Variants in MAP3K13 observed in about 807,000 individuals in gnomAD.
MAP3K13 encodes leucine zipper-bearing kinase.
Under a neutral mutation model 104.0 loss-of-function variants are expected in MAP3K13, and 52 were observed. The observed-to-expected ratio is 0.50, with a 90% confidence interval of 0.40 to 0.63. The LOEUF is 0.63. Ranked by LOEUF, MAP3K13 falls within the 20% of genes least tolerant of loss-of-function variation. MAP3K13 has a pLI of 0.00. For missense variants in MAP3K13, 914 were observed against 1,218.5 expected (o/e 0.75, Z 3.72); for synonymous variants, 394 against 442.2 (o/e 0.89, Z 1.37).
intron 1 of MAP3K13, among the ~76,000 whole-genome samples, chr3:185,385,281 G>T (rs1711619745): frequency 6.6e-6 from 1 of 152,128 alleles, no homozygotes; most frequent in Admixed American, 6.5e-5. Context: ...CTCCCGAGTG[G>T]CTGGGATTAC....
At chr3:185,334,608 T>C (rs1722408938) in intron 2 of MAP3K13, among the ~76,000 whole-genome samples, 1 of 151,966 alleles carries the variant, frequency 6.6e-6, no homozygotes. Context: ...ATTTTCTTTT[T>C]TTTTTTTTCT....
intron 7 of MAP3K13, among the ~76,000 whole-genome samples, chr3:185,455,689 TATGA>T (rs1716618120): frequency 6.2e-5 from 2 of 32,436 alleles, no homozygotes; most frequent in South Asian, 1.4e-3. Context: ...GAGATATATA[TATGA>T]TATATATATG....
chr3:185,298,147 A>G (rs1720983429), intron 2 of MAP3K13, among the ~76,000 whole-genome samples: 1 of 152,184 alleles, frequency 6.6e-6, no homozygotes, highest in Admixed American at 6.5e-5. Flanking sequence ...ATGGTGTTCC[A>G]CTTGCAAAAT....
At chr3:185,431,408 T>C (rs1714733857) in intron 2 of MAP3K13, among the ~76,000 whole-genome samples, 1 of 152,246 alleles carries the variant, frequency 6.6e-6, no homozygotes, top group Admixed American at 6.5e-5. Flanking sequence ...TAAGCCATAC[T>C]GCAATGACCA....
intron 1 of MAP3K13, among the ~76,000 whole-genome samples, chr3:185,392,815 G>A (rs1281275370): frequency 6.6e-6 from 1 of 152,068 alleles, no homozygotes; most frequent in Non-Finnish European, 1.5e-5. Context: ...TTGGGAGCCT[G>A]AGGCAGACAG....
intron 1 of MAP3K13, among the ~76,000 whole-genome samples, chr3:185,408,220 G>C (rs1171881383): frequency 2.6e-5 from 4 of 152,070 alleles, no homozygotes; most frequent in Non-Finnish European, 4.4e-5. Flanking sequence ...TATTTCATGA[G>C]AGAAACCATT....
At chr3:185,293,127 CT>C (rs559918166) in intron 2 of MAP3K13, 42 of 841,348 alleles carry the variant, frequency 5.0e-5, no homozygotes, top group South Asian at 1.1e-4. Context: ...TTTTCTTTTT[CT>C]TTTTTTTGAG....
At chr3:185,430,851 T>A (rs565936958) in intron 2 of MAP3K13, among the ~76,000 whole-genome samples, 2 of 152,226 alleles carry the variant, frequency 1.3e-5, no homozygotes, top group Non-Finnish European at 2.9e-5. Context: ...TCATACTGTA[T>A]TAATCCATGT....
Position 185,428,626 on chromosome 3 carries a change from C to A in MAP3K13, c.45C>A (p.His15Gln). The part of the protein sequence containing the change: ...QEHLSCSSSP[H>Q]LPFSESKTFN... ...ACCTGAGCTGCTCCTCTTCTCCACACTTACCCTTCAGTGAAAGCAAAACCT... is the reference window on the plus strand; with the variant it reads ...ACCTGAGCTGCTCCTCTTCTCCACAATTACCCTTCAGTGAAAGCAAAACCT... Residue 15 changes from histidine to glutamine, a missense_variant, in exon 2 of 14, where the codon CAC becomes CAA. By Grantham distance (24) the His-to-Gln change is conservative. Around this residue, in one of 3 missense-constraint regions of MAP3K13, gnomAD observed 156 missense variants for 159.8 expected, o/e 0.98. Coordinates refer to ENST00000265026, the MANE Select transcript of MAP3K13 (RefSeq NM_004721.5). 1.9e-6 allele frequency: 3 copies of A among 1,612,556 alleles called. No homozygotes were observed. The highest frequency in any genetic ancestry group is 2.5e-6 in the Non-Finnish European group (3 of 1,179,004).
chr3:185,440,213 C>T (rs1715249017), intron 3 of MAP3K13, among the ~76,000 whole-genome samples: 1 of 152,056 alleles, frequency 6.6e-6, no homozygotes. Context: ...GAAAAGGTAG[C>T]AATTAGAAGT....
At chr3:185,344,883 A>ATTTT (rs147866083) in intron 2 of MAP3K13, among the ~76,000 whole-genome samples, 2 of 149,290 alleles carry the variant, frequency 1.3e-5, no homozygotes, top group African/African-American at 5.0e-5. Context: ...TAATCTCATA[A>ATTTT]TTTATTTTTT....
Position 185,418,562 on chromosome 3 carries a change from T to G in MAP3K13, c.-85-9935T>G. On this transcript the variant is annotated intron_variant, in intron 1 of 13. Coordinates refer to ENST00000265026, the MANE Select transcript of MAP3K13 (RefSeq NM_004721.5). The surrounding 1 kb of genome is among the most constrained non-coding windows in gnomAD (Gnocchi z 4.5). ...CCTCGAACTCTGGGAATTCGAGCCATAGCTCTGCCAGTACCCCAAGACTCA... is the reference window on the plus strand; with the variant it reads ...CCTCGAACTCTGGGAATTCGAGCCAGAGCTCTGCCAGTACCCCAAGACTCA... 6.2e-7 allele frequency: 1 copy of G among 1,612,264 alleles called. No homozygotes were observed. The highest frequency in any genetic ancestry group is 8.5e-7 in the Non-Finnish European group (1 of 1,179,816).
At chr3:185,462,958 A>G (rs1363175437) in intron 7 of MAP3K13, among the ~76,000 whole-genome samples, 1 of 152,128 alleles carries the variant, frequency 6.6e-6, no homozygotes, top group African/African-American at 2.4e-5. Context: ...TTGCTTGGCC[A>G]TACTCTCTCT....
At chr3:185,464,323 A>C (rs1298045779) in intron 8 of MAP3K13, among the ~76,000 whole-genome samples, 2 of 152,146 alleles carry the variant, frequency 1.3e-5, no homozygotes, top group African/African-American at 4.8e-5. Flanking sequence ...GTTCACGAAT[A>C]ATCACTGATA....
At chr3:185,437,298 C>A in intron 2 of MAP3K13, 149 bp from the exon 3 acceptor site, 1 of 591,634 alleles carries the variant, frequency 1.7e-6, no homozygotes, top group East Asian at 2.8e-5. Flanking sequence ...ATCTATAGTT[C>A]CAAGGTACAT....
rs1478755822 is a variant in MAP3K13, at chr3:185,487,375, C to T, written c.*4919C>T. 6.6e-6 allele frequency: 1 copy of T among 151,688 alleles called. No homozygotes were observed. Among genetic ancestry groups the T allele is most frequent in the Admixed American group, 6.6e-5 (1 of 15,198 alleles). 9.4% of individuals were successfully genotyped at this position (151,688 alleles called of 1,614,324 possible). Reference sequence around the variant, plus strand: ...GAGATGGGCGTCTCCCTGTGTTGCCCAGGCTGGTATCGAACTCTGGGCTCT... The same window carrying T: ...GAGATGGGCGTCTCCCTGTGTTGCCTAGGCTGGTATCGAACTCTGGGCTCT... On this transcript the variant is annotated 3_prime_UTR_variant, in exon 14 of 14. Transcript: ENST00000265026.
Position 185,482,327 on chromosome 3 carries a change from G to T in MAP3K13, c.2800-28G>T, listed in dbSNP as rs773191181. 1 of 1,493,176 alleles carries T rather than the reference G, an allele frequency of 6.7e-7. No individual in the cohort carries two copies. The highest frequency in any genetic ancestry group is 1.7e-5 in the Admixed American group (1 of 59,882). 92.5% of individuals were successfully genotyped at this position (1,493,176 alleles called of 1,614,324 possible). ...ATATTTACTGAGTGATTATCGAAAT[G>T]AATTAAGGTTTTGTCTTGCCTTTGC... On this transcript the variant is annotated intron_variant, in intron 13 of 13. Transcript: ENST00000265026. This position sits in a 1 kb window ranked among gnomAD's most constrained non-coding sequence, Gnocchi z 4.5.
In MAP3K13 at chr3:185,450,916, CG is replaced by C; in HGVS notation, c.1170-370del. ...CATCCTGGTTAACACGATGAAACCCCGTCTCTACTAAAAATACAAAAAAATT... is the reference window on the plus strand; with the variant it reads ...CATCCTGGTTAACACGATGAAACCCCTCTCTACTAAAAATACAAAAAAATT... On this transcript the variant is annotated intron_variant, in intron 6 of 13. Transcript: ENST00000265026. This position sits in a 1 kb window ranked among gnomAD's most constrained non-coding sequence, Gnocchi z 4.2. Among the ~76,000 whole-genome samples, 1 of 152,288 alleles carries C rather than the reference CG, an allele frequency of 6.6e-6. No individual in the cohort carries two copies. Among genetic ancestry groups the C allele is most frequent in the South Asian group, 2.1e-4 (1 of 4,822 alleles).
At chr3:185,319,944 G>A (rs576247888) in intron 2 of MAP3K13, among the ~76,000 whole-genome samples, 6 of 152,166 alleles carry the variant, frequency 3.9e-5, no homozygotes, top group Non-Finnish European at 8.8e-5. Flanking sequence ...CAGCTTAAGC[G>A]AAATGAATTA....
Sources: allele counts gnomAD v4.1 joint callset (sites outside exome capture counted in the v4.1 genomes callset), GRCh38; gene constraint gnomAD v4.1.1; regional missense constraint gnomAD v4.1.1; non-coding constraint Gnocchi (gnomAD v3.1); transcripts MANE v1.5; gene names NCBI Gene and HGNC (gene_info 2026-07-23, HGNC 2026-07-21).